ZFPM2: variants seen among roughly 807,000 people sequenced by gnomAD.
ZFPM2 encodes zinc finger protein, FOG family member 2, also known as zinc finger protein ZFPM2.
A neutral mutation model predicts 98.6 loss-of-function variants in ZFPM2; 20 were observed. That is an observed-to-expected ratio of 0.20 (90% CI 0.14 to 0.29). The LOEUF is 0.29. Among genes scored for constraint, ZFPM2 ranks in the 10% least tolerant of loss-of-function variants. The pLI is 1.00. For missense variants in ZFPM2, 1,310 were observed against 1,388.6 expected, an observed-to-expected ratio of 0.94 and a Z score of 0.90; for synonymous variants, 518 against 502.7, an observed-to-expected ratio of 1.03 and a Z score of -0.41.
At chr8:105,382,828 A>G (rs1438027285) in intron 1 of ZFPM2, among the ~76,000 whole-genome samples, 2 of 152,120 alleles carry the variant, frequency 1.3e-5, no homozygotes, top group African/African-American at 2.4e-5. Context: ...GACTTCAAAG[A>G]GTATAAAGGA....
intron 3 of ZFPM2, among the ~76,000 whole-genome samples, chr8:105,515,350 G>A (rs984797799): frequency 6.6e-6 from 1 of 152,170 alleles, no homozygotes; most frequent in Non-Finnish European, 1.5e-5. Context: ...TAGGAGGATT[G>A]AGTGTTTATT....
chr8:105,452,916 G>A (rs899195324), intron 3 of ZFPM2, among the ~76,000 whole-genome samples: 10 of 152,200 alleles, frequency 6.6e-5, no homozygotes, highest in African/African-American at 2.4e-4. Flanking sequence ...TATCTGGAAA[G>A]CTGAAAGAAA....
At chr8:105,800,299 T>C (rs6990997) in intron 7 of ZFPM2, among the ~76,000 whole-genome samples, 25,277 of 151,956 alleles carry the variant, frequency 0.17, 3,354 homozygotes, top group African/African-American at 0.38. Context: ...CTAGAGTCAA[T>C]CTTAGTGATG....
intron 1 of ZFPM2, among the ~76,000 whole-genome samples, chr8:105,326,888 A>T (rs977864471): frequency 6.6e-6 from 1 of 150,924 alleles, no homozygotes; most frequent in Middle Eastern, 3.2e-3. Flanking sequence ...AGACTATCAC[A>T]AAATATATAA....
At chr8:105,433,752 A>T (rs1312266308) in intron 2 of ZFPM2, among the ~76,000 whole-genome samples, 2 of 152,120 alleles carry the variant, frequency 1.3e-5, no homozygotes, top group Non-Finnish European at 2.9e-5. Flanking sequence ...ACGCCACTGC[A>T]CTCCAGCCTG....
intron 3 of ZFPM2, among the ~76,000 whole-genome samples, chr8:105,449,972 A>G: frequency 6.6e-6 from 1 of 152,114 alleles, no homozygotes; most frequent in East Asian, 1.9e-4. Flanking sequence ...AAGTCATCGT[A>G]GTATTATATT....
intron 3 of ZFPM2, among the ~76,000 whole-genome samples, chr8:105,462,639 A>G (rs937055295): frequency 1.1e-4 from 17 of 152,148 alleles, no homozygotes; most frequent in African/African-American, 3.6e-4. Flanking sequence ...GCTTTATATT[A>G]TATGAGTGAA....
chr8:105,391,624 C>G (rs1376816466), intron 1 of ZFPM2, among the ~76,000 whole-genome samples: 1 of 152,192 alleles, frequency 6.6e-6, no homozygotes, highest in Non-Finnish European at 1.5e-5. Flanking sequence ...TTCAACAATT[C>G]ACAACATGTG....
chr8:105,522,580 G>T (rs1349178851), intron 3 of ZFPM2, among the ~76,000 whole-genome samples: 31 of 151,986 alleles, frequency 2.0e-4, no homozygotes, highest in Admixed American at 1.0e-3. Flanking sequence ...GACCAGCCTG[G>T]CCAACCTAGT....
intron 5 of ZFPM2, among the ~76,000 whole-genome samples, chr8:105,721,319 T>G (rs927804598): frequency 1.8e-4 from 27 of 151,972 alleles, no homozygotes; most frequent in African/African-American, 6.5e-4. Flanking sequence ...ACTGTTCACA[T>G]ATCCCAGTTA....
intron 6 of ZFPM2, among the ~76,000 whole-genome samples, chr8:105,793,654 T>C (rs1813695735): frequency 6.7e-6 from 1 of 148,170 alleles, no homozygotes. Flanking sequence ...TTGGGGAAGT[T>C]CTCCTGGATA....
chr8:105,424,439 C>G (rs1313760732), intron 2 of ZFPM2, among the ~76,000 whole-genome samples: 1 of 151,890 alleles, frequency 6.6e-6, no homozygotes, highest in East Asian at 1.9e-4. Context: ...TCTGGAAATA[C>G]TAGGTTTAAA....
intron 5 of ZFPM2, among the ~76,000 whole-genome samples, chr8:105,698,376 A>G (rs913723566): frequency 6.6e-6 from 1 of 152,236 alleles, no homozygotes; most frequent in African/African-American, 2.4e-5. Flanking sequence ...TGCAAAATGC[A>G]TATCAACATA....
In ZFPM2 at chr8:105,476,394, G is replaced by A. The variant is rs547240415; in HGVS notation, c.301+32013G>A. ...GTGAACTAAGGAATCTAGGTTGCAC[G>A]CTCCTTATGATAATCTAACTAATGC... On this transcript the variant is annotated intron_variant, in intron 3 of 7. Coordinates refer to ENST00000407775, the MANE Select transcript of ZFPM2 (RefSeq NM_012082.4). 7.9e-5 allele frequency among the ~76,000 whole-genome samples: 12 copies of A among 152,258 alleles called. No homozygotes were observed. In the South Asian group the frequency reaches 2.3e-3, roughly 29 times the overall value.
At chr8:105,419,036 G>A in intron 1 of ZFPM2, 108 bp from the exon 2 acceptor site, 2 of 947,682 alleles carry the variant, frequency 2.1e-6, no homozygotes, top group Non-Finnish European at 3.1e-6. Context: ...ACTACTTAGA[G>A]TATATTATTT....
Position 105,504,775 on chromosome 8 carries a change from C to T in ZFPM2, c.302-56588C>T, listed in dbSNP as rs377496240. ...AATAGATGTGCTTATGTTAACATGC[C>T]TTGTTGAGTCCTGAGGCTTATTAAG... On this transcript the variant is annotated intron_variant, in intron 3 of 7. Coordinates refer to ENST00000407775, the MANE Select transcript of ZFPM2 (RefSeq NM_012082.4). Among the ~76,000 whole-genome samples, 8 of 152,108 alleles carry T rather than the reference C, an allele frequency of 5.3e-5. No individual in the cohort carries two copies. In the East Asian group the frequency reaches 1.4e-3, roughly 26 times the overall value.
At position 105,802,179 on chromosome 8, in the gene ZFPM2, C is replaced by T. The variant is rs139368368; in HGVS notation, c.2097C>T (p.His699=). ...CTTGCAACATTACCTTCAGCCGGCA[C>T]GAAACATACATGGTCCACAAACAGT... ...CEACNITFSR[H]ETYMVHKQYY... The change falls in exon 8 of 8, where the codon CAC becomes CAT. Residue 699 remains histidine (H), a synonymous_variant. Transcript: ENST00000407775. 436 of 1,613,878 alleles carry T rather than the reference C, an allele frequency of 2.7e-4. No individual in the cohort carries two copies. In the African/African-American group the frequency reaches 4.9e-3, roughly 18 times the overall value.
At chr8:105,505,700 T>C (rs6997293) in intron 3 of ZFPM2, among the ~76,000 whole-genome samples, 44,177 of 151,932 alleles carry the variant, frequency 0.29, 6,620 homozygotes, top group African/African-American at 0.35. Flanking sequence ...TACTACTCCT[T>C]TAAGAAAATT....
chr8:105,656,773 G>A (rs1817294631), intron 5 of ZFPM2, among the ~76,000 whole-genome samples: 1 of 152,118 alleles, frequency 6.6e-6, no homozygotes, highest in Admixed American at 6.5e-5. Flanking sequence ...ATACTGAAAA[G>A]TTTTAAAAGA....
Sources: allele counts gnomAD v4.1 joint callset (sites outside exome capture counted in the v4.1 genomes callset), GRCh38; gene constraint gnomAD v4.1.1; transcripts MANE v1.5; gene names NCBI Gene and HGNC (gene_info 2026-07-23, HGNC 2026-07-21).